DENND4A: variants seen among roughly 807,000 people sequenced by gnomAD.
DENND4A encodes C-myc promoter-binding protein.
In DENND4A, 70 loss-of-function variants were observed where a neutral mutation model predicts 199.3. That is an observed-to-expected ratio of 0.35 (90% confidence interval 0.29 to 0.43). The LOEUF is 0.43. DENND4A is among the 20% of genes least tolerant of loss of function. DENND4A has a pLI of 1.00. For missense variants in DENND4A, 1,723 were observed against 2,255.8 expected (o/e 0.76, Z 4.78); for synonymous variants, 686 against 766.9 (o/e 0.89, Z 1.74).
Position 65,659,949 on chromosome 15 carries a change from A to G in DENND4A, c.*1902T>C, listed in dbSNP as rs1392938440. The G allele has an allele frequency of 9.8e-6, 2 of 203,144 alleles. No individual in the cohort carries two copies. Among genetic ancestry groups the G allele is most frequent in the South Asian group, 1.4e-4 (1 of 6,918 alleles). The allele number at this position is 203,144 out of a possible 1,614,324, so 12.6% of individuals were successfully genotyped here. ...TTGTATTACACAAAAAGTAAACAAC[A>G]ATGAAAGCTGTTTTTAAAAGAATAA... On this transcript the variant is annotated 3_prime_UTR_variant, in exon 33 of 33. Transcript: ENST00000443035.
chr15:65,718,113 A>G, intron 12 of DENND4A, 117 bp from the exon 13 acceptor site: 3 of 737,320 alleles, frequency 4.1e-6, no homozygotes, highest in Non-Finnish European at 6.5e-6. Flanking sequence ...CTTTGTTTAC[A>G]TAACTTAATC....
Position 65,702,419 on chromosome 15 carries a change from C to A in DENND4A, c.2316G>T (p.Trp772Cys). Reference sequence around the variant, plus strand: ...TCACATAAGCTGGGAGACAAATAAACCACAGTCCATAACAGTGGCGCAGTA... The same window carrying A: ...TCACATAAGCTGGGAGACAAATAAAACACAGTCCATAACAGTGGCGCAGTA... ...RCLLRHCYGL[W>C]FICLPAYVKV... Residue 772 changes from tryptophan to cysteine, a missense_variant, in exon 17 of 33, where the codon TGG becomes TGT. Trp to Cys is a radical substitution (Grantham distance 215). This residue lies in a region of DENND4A where 725 missense variants were observed against 952.9 expected (regional missense o/e 0.76). Coordinates refer to ENST00000443035, the MANE Select transcript of DENND4A (RefSeq NM_001320835.1). 2 of 1,584,778 alleles carry A rather than the reference C, an allele frequency of 1.3e-6. No homozygotes were observed. The highest frequency in any genetic ancestry group is 1.7e-6 in the Non-Finnish European group (2 of 1,165,080).
intron 29 of DENND4A, among the ~76,000 whole-genome samples, chr15:65,666,721 G>A (rs148370018): frequency 6.3e-4 from 95 of 150,380 alleles, no homozygotes; most frequent in African/African-American, 2.2e-3. Flanking sequence ...AGAGGTCACA[G>A]TGAGCCATGA....
chr15:65,775,130 G>A (rs1414791111), intron 1 of DENND4A, among the ~76,000 whole-genome samples: 3 of 151,982 alleles, frequency 2.0e-5, no homozygotes, highest in Non-Finnish European at 4.4e-5. Context: ...TACCATAAAA[G>A]TAAACTAACA....
intron 1 of DENND4A, among the ~76,000 whole-genome samples, chr15:65,762,737 C>T (rs1450633299): frequency 6.6e-6 from 1 of 152,086 alleles, no homozygotes; most frequent in Non-Finnish European, 1.5e-5. Context: ...TATAGATAAT[C>T]TAGAGGTGAT....
chr15:65,757,444 G>A (rs926088294), intron 2 of DENND4A, among the ~76,000 whole-genome samples: 1 of 152,142 alleles, frequency 6.6e-6, no homozygotes, highest in South Asian at 2.1e-4. Context: ...CACATAGATA[G>A]AGAATTGGAA....
intron 21 of DENND4A, chr15:65,696,904 C>T: frequency 3.1e-6 from 1 of 323,498 alleles, no homozygotes; most frequent in Non-Finnish European, 6.0e-6. Flanking sequence ...TGGATGAATA[C>T]CCAATCATCA....
chr15:65,739,136 T>C (rs1007590257), intron 5 of DENND4A, among the ~76,000 whole-genome samples: 13 of 152,210 alleles, frequency 8.5e-5, no homozygotes, highest in African/African-American at 2.9e-4. Context: ...AAAGATATCC[T>C]ATAGAAATGC....
At chr15:65,770,682 G>T (rs2077103569) in intron 1 of DENND4A, among the ~76,000 whole-genome samples, 1 of 152,028 alleles carries the variant, frequency 6.6e-6, no homozygotes, top group African/African-American at 2.4e-5. Context: ...AAGTTTCATT[G>T]TTTAAAGTCC....
intron 24 of DENND4A, among the ~76,000 whole-genome samples, chr15:65,675,330 T>G (rs1212291540): frequency 2.6e-5 from 4 of 151,934 alleles, no homozygotes; most frequent in Admixed American, 1.3e-4. Context: ...CAGATAAGTA[T>G]CAGAAGAAAA....
chr15:65,791,917 A>G (rs1369313), intron 1 of DENND4A, 93 bp downstream of exon 1: 86,761 of 148,120 alleles, frequency 0.59, 27,480 homozygotes, highest in African/African-American at 0.85. Flanking sequence ...CCCCGAACCC[A>G]CCCGCCCCGC....
At chr15:65,786,862 T>A (rs1048235566) in intron 1 of DENND4A, among the ~76,000 whole-genome samples, 4 of 152,200 alleles carry the variant, frequency 2.6e-5, no homozygotes, top group East Asian at 3.9e-4. Context: ...ACTAGAAGGA[T>A]ACAAATCAAA....
chr15:65,741,584 G>T, intron 5 of DENND4A, 131 bp downstream of exon 5: 1 of 563,210 alleles, frequency 1.8e-6, no homozygotes, highest in Middle Eastern at 2.9e-4. Flanking sequence ...AGACAAAAAT[G>T]AGAATCAGAA....
chr15:65,792,261 C>T lies in DENND4A; in HGVS notation c.-353G>A, dbSNP rs1373280101. The T allele has an allele frequency of 6.6e-6, 1 of 152,448 alleles. No homozygotes were observed. The highest frequency in any genetic ancestry group is 6.5e-5 in the Admixed American group (1 of 15,282). The allele number at this position is 152,448 out of a possible 1,614,324, so 9.4% of individuals were successfully genotyped here. On this transcript the variant is annotated 5_prime_UTR_variant, in exon 1 of 33. Coordinates refer to ENST00000443035, the MANE Select transcript of DENND4A (RefSeq NM_001320835.1). ...CGCCTCTTTCTCCGACTCTAGCCTC[C>T]GCGGCCACCGCGACCGGCGCCATCT... is the stretch of plus-strand genomic sequence containing the variant.
intron 11 of DENND4A, among the ~76,000 whole-genome samples, chr15:65,726,935 G>A (rs1406251897): frequency 2.0e-5 from 3 of 152,032 alleles, no homozygotes; most frequent in Non-Finnish European, 2.9e-5. Flanking sequence ...TCCAGCCTGG[G>A]CAACAGAACG....
intron 2 of DENND4A, among the ~76,000 whole-genome samples, chr15:65,758,631 G>C (rs2076775197): frequency 1.3e-5 from 2 of 152,078 alleles, no homozygotes; most frequent in Non-Finnish European, 2.9e-5. Flanking sequence ...CTTTAACTAG[G>C]AGAATACATT....
chr15:65,791,265 T>A (rs567725345), intron 1 of DENND4A, among the ~76,000 whole-genome samples: 2 of 152,274 alleles, frequency 1.3e-5, no homozygotes, highest in African/African-American at 4.8e-5. Context: ...TACGTTTGAA[T>A]TAAAAGCACA....
intron 2 of DENND4A, among the ~76,000 whole-genome samples, chr15:65,757,263 G>T (rs1378092876): frequency 8.0e-4 from 22 of 27,486 alleles, no homozygotes; most frequent in East Asian, 7.4e-3. Flanking sequence ...CTTCTGAGAT[G>T]GGGGGGGGGG....
At chr15:65,662,051 A>G in intron 32 of DENND4A, 64 bp from the exon 33 acceptor site, 1 of 1,362,286 alleles carries the variant, frequency 7.3e-7, no homozygotes, top group African/African-American at 1.5e-5. Flanking sequence ...AAAACTATCA[A>G]GTTTCTATAA....
Sources: gnomAD v4.1 joint callset for allele counts (sites outside exome capture counted in the v4.1 genomes callset) on GRCh38, gnomAD v4.1.1 for gene constraint, gnomAD v4.1.1 regional missense constraint, MANE v1.5 for transcripts, NCBI Gene and HGNC (gene_info 2026-07-23, HGNC 2026-07-21) for gene names.